PDZD8: variants seen among roughly 807,000 people sequenced by gnomAD.
PDZD8 encodes the protein PDZ domain containing 8.
In PDZD8, 14 loss-of-function variants were observed where a neutral mutation model predicts 85.8. That is an observed-to-expected ratio of 0.16 (90% confidence interval 0.11 to 0.26). PDZD8 has a LOEUF of 0.26. Ranked by LOEUF, PDZD8 falls within the 10% of genes least tolerant of loss-of-function variation. The pLI is 1.00. For synonymous variants in PDZD8, 592 were observed against 568.6 expected (o/e 1.04, Z -0.59); for missense variants, 1,197 against 1,424.3 (o/e 0.84, Z 2.57).
intron 1 of PDZD8, among the ~76,000 whole-genome samples, chr10:117,347,605 T>C (rs1844730396): frequency 6.6e-6 from 1 of 152,002 alleles, no homozygotes; most frequent in Non-Finnish European, 1.5e-5. Flanking sequence ...AGAATAAGTC[T>C]CTTCAAATAT....
At chr10:117,329,159 T>C (rs1316215405) in intron 2 of PDZD8, among the ~76,000 whole-genome samples, 3 of 152,194 alleles carry the variant, frequency 2.0e-5, no homozygotes, top group Admixed American at 6.5e-5. Context: ...CTAATAAATA[T>C]TTTGCATAAA....
chr10:117,358,824 T>A (rs1844944179), intron 1 of PDZD8, among the ~76,000 whole-genome samples: 1 of 152,178 alleles, frequency 6.6e-6, no homozygotes, highest in African/African-American at 2.4e-5. Context: ...AGGTAAGAAA[T>A]TTCTCATAAG....
chr10:117,326,535 C>T (rs915775387), intron 2 of PDZD8, among the ~76,000 whole-genome samples: 3 of 152,202 alleles, frequency 2.0e-5, no homozygotes, highest in African/African-American at 7.2e-5. Flanking sequence ...AATCAAAATT[C>T]CACAATCAAA....
Position 117,336,573 on chromosome 10 carries a change from G to A in PDZD8, c.995+4407C>T, listed in dbSNP as rs181183740. 3.3e-3 allele frequency among the ~76,000 whole-genome samples: 502 copies of A among 151,884 alleles called. 2 individuals are homozygous for A. The highest frequency in any genetic ancestry group is 6.0e-3 in the Non-Finnish European group (405 of 67,970). On this transcript the variant is annotated intron_variant, in intron 2 of 4. Transcript: ENST00000334464. ...TTGGAAAAATAGTTGTTCTGGGACC[G>A]TGGCAGAGAAGATAGAAGATAAATG... is the stretch of plus-strand genomic sequence containing the variant.
chr10:117,295,764 C>G (rs1385979761), intron 3 of PDZD8, among the ~76,000 whole-genome samples: 1 of 152,074 alleles, frequency 6.6e-6, no homozygotes, highest in Non-Finnish European at 1.5e-5. Context: ...TATTTCAATA[C>G]TGCAAAAAAA....
At chr10:117,290,619 A>C (rs1030585400) in intron 3 of PDZD8, among the ~76,000 whole-genome samples, 1 of 152,160 alleles carries the variant, frequency 6.6e-6, no homozygotes, top group African/African-American at 2.4e-5. Context: ...GAAAATTGGG[A>C]AATAAACAGA....
chr10:117,319,347 C>T (rs1247002791), intron 2 of PDZD8, among the ~76,000 whole-genome samples: 1 of 151,540 alleles, frequency 6.6e-6, no homozygotes, highest in Non-Finnish European at 1.5e-5. Context: ...ACCATCAACT[C>T]TGTAAAACAC....
In PDZD8 at chr10:117,299,160, T is replaced by C. The variant is rs17096062; in HGVS notation, c.1099-8812A>G. Among the ~76,000 whole-genome samples the C allele has an allele frequency of 0.018, 2,770 of 152,248 alleles. 142 individuals carry two copies. The East Asian group carries it at 0.2, about 11-fold the overall frequency. ...CATTAACATCTATAGACGTTTTCAC[T>C]CAAAATCTTTATAAATGGTGAAAGT... On this transcript the variant is annotated intron_variant, in intron 3 of 4. Transcript: ENST00000334464.
chr10:117,330,784 G>A (rs769667719), intron 2 of PDZD8, among the ~76,000 whole-genome samples: 2 of 152,062 alleles, frequency 1.3e-5, no homozygotes, highest in Non-Finnish European at 2.9e-5. Context: ...ACTTTTCTCT[G>A]ATTAAAGGAT....
At chr10:117,340,380 T>C (rs1202497975) in intron 2 of PDZD8, among the ~76,000 whole-genome samples, 1 of 152,220 alleles carries the variant, frequency 6.6e-6, no homozygotes, top group African/African-American at 2.4e-5. Flanking sequence ...GATCGTCCTT[T>C]ACCATCCTCC....
intron 3 of PDZD8, among the ~76,000 whole-genome samples, chr10:117,313,841 A>C (rs1192656214): frequency 6.6e-6 from 1 of 152,174 alleles, no homozygotes; most frequent in Non-Finnish European, 1.5e-5. Flanking sequence ...CTCTATAATA[A>C]GCCAGACTGT....
intron 3 of PDZD8, among the ~76,000 whole-genome samples, chr10:117,290,630 A>C (rs1409567988): frequency 6.6e-6 from 1 of 152,126 alleles, no homozygotes; most frequent in Non-Finnish European, 1.5e-5. Context: ...AATAAACAGA[A>C]AGGCAAAATA....
chr10:117,345,512 T>C (rs1844689702), intron 1 of PDZD8, among the ~76,000 whole-genome samples: 1 of 152,150 alleles, frequency 6.6e-6, no homozygotes, highest in Admixed American at 6.5e-5. Flanking sequence ...TGTACTGTAC[T>C]AAAATAATCC....
intron 1 of PDZD8, among the ~76,000 whole-genome samples, chr10:117,371,598 G>A (rs949753911): frequency 4.6e-5 from 7 of 152,018 alleles, no homozygotes; most frequent in Admixed American, 1.3e-4. Flanking sequence ...AGCTAAAACC[G>A]GCTTCCTGGC....
At chr10:117,319,117 A>T (rs889201226) in intron 2 of PDZD8, 143 bp from the exon 3 acceptor site, 2 of 627,068 alleles carry the variant, frequency 3.2e-6, no homozygotes, top group Non-Finnish European at 5.5e-6. Context: ...TAAGTCAAAT[A>T]TTTTATACAC....
At chr10:117,356,516 C>G (rs973955731) in intron 1 of PDZD8, among the ~76,000 whole-genome samples, 28 of 152,232 alleles carry the variant, frequency 1.8e-4, no homozygotes, top group African/African-American at 6.5e-4. Context: ...AACACAGGTA[C>G]ACTCACATCC....
chr10:117,283,199 T>C lies in PDZD8; in HGVS notation c.*69A>G. 1 of 1,443,610 alleles carries C rather than the reference T, an allele frequency of 6.9e-7. No homozygotes were observed. The allele number at this position is 1,443,610 out of a possible 1,614,324, so 89.4% of individuals were successfully genotyped here. A position where few individuals can be genotyped will look rare whatever the true frequency, so the allele number is the denominator to read the frequency against. On this transcript the variant is annotated 3_prime_UTR_variant, in exon 5 of 5. Coordinates refer to ENST00000334464, the MANE Select transcript of PDZD8 (RefSeq NM_173791.5). ...CAGAGTGCATACGAGGATTTAAACA[T>C]GGTTGTATCTGTGGTACTTTAGATG... is the stretch of plus-strand genomic sequence containing the variant.
At chr10:117,309,736 GACTA>G (rs1379107296) in intron 3 of PDZD8, among the ~76,000 whole-genome samples, 2 of 152,010 alleles carry the variant, frequency 1.3e-5, no homozygotes, top group African/African-American at 4.8e-5. Flanking sequence ...AAACATTATT[GACTA>G]ACTACTATGT....
chr10:117,283,921 T>C lies in PDZD8; in HGVS notation c.2812A>G (p.Ile938Val), dbSNP rs1447588975. 6.2e-7 allele frequency: 1 copy of C among 1,614,218 alleles called. No homozygotes were observed. The highest frequency in any genetic ancestry group is 1.7e-5 in the Admixed American group (1 of 60,028). ...AATAAACGAGAACTAGTATTGATAATATGCCTTGTCAAACCTGTTGTTTTA... is the reference window on the plus strand; with the variant it reads ...AATAAACGAGAACTAGTATTGATAACATGCCTTGTCAAACCTGTTGTTTTA... Reference protein sequence around the residue: ...VNKTTGLTRHIINTSSRLLNL... With the variant: ...VNKTTGLTRHVINTSSRLLNL... Residue 938 changes from isoleucine to valine, a missense_variant, in exon 5 of 5, where the codon ATT becomes GTT. Physicochemically the swap from Ile to Val is conservative, Grantham distance 29 (BLOSUM62 3). Around this residue, in one of 4 missense-constraint regions of PDZD8, gnomAD observed 418 missense variants for 571.1 expected, o/e 0.73. Coordinates refer to ENST00000334464, the MANE Select transcript of PDZD8 (RefSeq NM_173791.5).
Sources: gnomAD v4.1 joint callset for allele counts (sites outside exome capture counted in the v4.1 genomes callset) on GRCh38, gnomAD v4.1.1 for gene constraint, gnomAD v4.1.1 regional missense constraint, MANE v1.5 for transcripts, NCBI Gene and HGNC (gene_info 2026-07-23, HGNC 2026-07-21) for gene names.